The following ATF1 variants were observed in gnomAD, a reference collection of about 807,000 sequenced individuals.
ATF1 encodes the protein cyclic AMP-dependent transcription factor ATF-1.
ATF1 carries 16 observed loss-of-function variants against 34.7 expected under a neutral mutation model. The observed-to-expected ratio is 0.46, with a 90% confidence interval of 0.31 to 0.70. The LOEUF (loss-of-function observed/expected upper bound fraction) is 0.70, where lower values mean the gene tolerates loss of function less well. Among genes scored for constraint, ATF1 ranks in the 30% least tolerant of loss-of-function variants. The pLI is 0.05. For missense variants in ATF1, 255 were observed against 321.6 expected (o/e 0.79, Z 1.58); for synonymous variants, 105 against 113.1 (o/e 0.93, Z 0.46).
intron 1 of ATF1, among the ~76,000 whole-genome samples, chr12:50,778,953 C>G (rs551759232): frequency 3.0e-4 from 46 of 152,272 alleles, no homozygotes; most frequent in Non-Finnish European, 5.9e-4. Flanking sequence ...AGCCACCATT[C>G]TACTTCCTGT....
chr12:50,778,532 A>G (rs947135563), intron 1 of ATF1, among the ~76,000 whole-genome samples: 2 of 151,636 alleles, frequency 1.3e-5, no homozygotes, highest in African/African-American at 2.4e-5. Context: ...CATATTAACC[A>G]TTTTTAAACA....
chr12:50,806,775 G>C (rs2139684846), intron 3 of ATF1, among the ~76,000 whole-genome samples: 1 of 151,618 alleles, frequency 6.6e-6, no homozygotes, highest in South Asian at 2.1e-4. Context: ...CAATGATTAT[G>C]GCCACCAGAT....
Position 50,788,544 on chromosome 12 carries a change from G to A in ATF1, c.94-7365G>A, listed in dbSNP as rs544299280. Among the ~76,000 whole-genome samples, 181 of 151,876 alleles carry A rather than the reference G, an allele frequency of 1.2e-3. 1 individual carries two copies. The highest frequency in any genetic ancestry group is 4.1e-3 in the African/African-American group (171 of 41,396). Reference sequence around the variant, plus strand: ...CTGTTGCTTAAGCTGGAGTGCAGTGGCATGATCATATTTCTTTGGCCTCAA... The same window carrying A: ...CTGTTGCTTAAGCTGGAGTGCAGTGACATGATCATATTTCTTTGGCCTCAA... On this transcript the variant is annotated intron_variant, in intron 2 of 6. Transcript: ENST00000262053.
chr12:50,774,179 G>T (rs1378550898), intron 1 of ATF1, among the ~76,000 whole-genome samples: 1 of 151,928 alleles, frequency 6.6e-6, no homozygotes, highest in Non-Finnish European at 1.5e-5. Context: ...TTACAGGCAT[G>T]TGCCACCATG....
upstream of ATF1, among the ~76,000 whole-genome samples, chr12:50,763,532 T>C (rs573957587): frequency 6.7e-6 from 1 of 149,610 alleles, no homozygotes; most frequent in Non-Finnish European, 1.5e-5. Flanking sequence ...GGAGAATCGC[T>C]TGAATCCCGG....
intron 2 of ATF1, among the ~76,000 whole-genome samples, chr12:50,787,562 A>G (rs920727460): frequency 3.3e-5 from 5 of 151,846 alleles, no homozygotes; most frequent in African/African-American, 9.7e-5. Flanking sequence ...GCAAGCCTCC[A>G]TTTCTACTAA....
chr12:50,807,177 G>A lies in ATF1; in HGVS notation c.195-2279G>A, dbSNP rs1039101978. ...AGTCCCAACACTTAAGGAGGCCTAG[G>A]TGGGAGAATCACTTGAGCCCAGGAG... is the stretch of plus-strand genomic sequence containing the variant. On this transcript the variant is annotated intron_variant, in intron 3 of 6. Transcript: ENST00000262053. Among the ~76,000 whole-genome samples the A allele has an allele frequency of 3.9e-5, 6 of 152,288 alleles. No individual in the cohort carries two copies. In the East Asian group the frequency reaches 5.8e-4, roughly 15 times the overall value.
chr12:50,776,973 C>T (rs1203608616), intron 1 of ATF1, among the ~76,000 whole-genome samples: 2 of 152,146 alleles, frequency 1.3e-5, no homozygotes, highest in East Asian at 1.9e-4. Context: ...AGCGATTCTC[C>T]TGCTGAGTAG....
At chr12:50,804,064 A>C (rs147567771) in intron 3 of ATF1, among the ~76,000 whole-genome samples, 2 of 152,314 alleles carry the variant, frequency 1.3e-5, no homozygotes, top group African/African-American at 4.8e-5. Flanking sequence ...AAAACACTGA[A>C]TTGTATGCTT....
chr12:50,802,097 A>G (rs573220417), intron 3 of ATF1, among the ~76,000 whole-genome samples: 3 of 152,376 alleles, frequency 2.0e-5, no homozygotes, highest in South Asian at 2.1e-4. Context: ...CTGTATTTCC[A>G]TATACTAGCA....
At chr12:50,768,627 G>A (rs1209442621) in intron 1 of ATF1, among the ~76,000 whole-genome samples, 2 of 151,996 alleles carry the variant, frequency 1.3e-5, no homozygotes, top group African/African-American at 2.4e-5. Context: ...TAGGTGTCGT[G>A]TGTAATATTT....
At chr12:50,813,977 C>A in intron 4 of ATF1, 33 bp from the exon 5 acceptor site, 1 of 1,588,778 alleles carries the variant, frequency 6.3e-7, no homozygotes, top group South Asian at 1.2e-5. Context: ...ATTATATAAC[C>A]TTACAATAGC....
At chr12:50,801,730 G>A (rs753903289) in intron 3 of ATF1, among the ~76,000 whole-genome samples, 12 of 152,086 alleles carry the variant, frequency 7.9e-5, no homozygotes, top group East Asian at 1.9e-4. Flanking sequence ...TATGATCATC[G>A]CAAGACACAG....
intron 2 of ATF1, among the ~76,000 whole-genome samples, chr12:50,781,438 G>A (rs1405412740): frequency 1.3e-5 from 2 of 152,056 alleles, no homozygotes; most frequent in Non-Finnish European, 2.9e-5. Flanking sequence ...TGTATTTAGA[G>A]TTGTTTTCTT....
intron 1 of ATF1, among the ~76,000 whole-genome samples, chr12:50,771,714 G>A (rs12308023): frequency 1.3e-5 from 2 of 152,046 alleles, no homozygotes; most frequent in Non-Finnish European, 2.9e-5. Context: ...CTAAGTCACG[G>A]GATGAGATAG....
intron 2 of ATF1, among the ~76,000 whole-genome samples, chr12:50,786,801 A>G (rs1941194300): frequency 6.6e-6 from 1 of 152,180 alleles, no homozygotes; most frequent in Admixed American, 6.5e-5. Context: ...AGACTGGGCC[A>G]GGACAACAAA....
At chr12:50,779,168 A>G (rs555877358) in intron 1 of ATF1, among the ~76,000 whole-genome samples, 1 of 152,192 alleles carries the variant, frequency 6.6e-6, no homozygotes, top group Non-Finnish European at 1.5e-5. Flanking sequence ...TCCACTGATG[A>G]ATATTTGGGT....
intron 2 of ATF1, 72 bp downstream of exon 2, chr12:50,780,310 C>T: frequency 7.6e-7 from 1 of 1,314,848 alleles, no homozygotes; most frequent in Non-Finnish European, 1.1e-6. Flanking sequence ...TCGTTTCAGA[C>T]TGATTATTAA....
intron 2 of ATF1, among the ~76,000 whole-genome samples, chr12:50,783,643 G>A (rs901893911): frequency 6.6e-6 from 1 of 151,746 alleles, no homozygotes; most frequent in Non-Finnish European, 1.5e-5. Context: ...GCCGAGGCGG[G>A]TAGATCACGA....
Sources: gnomAD v4.1 joint callset for allele counts (sites outside exome capture counted in the v4.1 genomes callset) on GRCh38, gnomAD v4.1.1 for gene constraint, MANE v1.5 for transcripts, NCBI Gene and HGNC (gene_info 2026-07-23, HGNC 2026-07-21) for gene names.